BRF1: variants seen among roughly 807,000 people sequenced by gnomAD.
The protein encoded by BRF1 is BRF1 general transcription factor IIIB subunit, also known as transcription factor IIIB 90 kDa subunit.
Under a neutral mutation model 81.7 loss-of-function variants are expected in BRF1, and 59 were observed. That is an observed-to-expected ratio of 0.72 (90% CI 0.59 to 0.90). The LOEUF (loss-of-function observed/expected upper bound fraction) is 0.90. BRF1 is among the 40% of genes least tolerant of loss of function. BRF1 has a pLI of 0.00. For synonymous variants in BRF1, 491 were observed against 395.6 expected (o/e 1.24, Z -2.86); for missense variants, 1,050 against 936.3 (o/e 1.12, Z -1.58).
chr14:105,209,403 T>G lies in BRF1; in HGVS notation c.*1148A>C, dbSNP rs1595218077. 3.1e-6 allele frequency: 2 copies of G among 651,964 alleles called. No homozygotes were observed. Among genetic ancestry groups the G allele is most frequent in the Non-Finnish European group, 5.6e-6 (2 of 356,868 alleles). The allele number at this position is 651,964 out of a possible 1,614,324, so 40.4% of individuals were successfully genotyped here. A position where few individuals can be genotyped will look rare whatever the true frequency, so the allele number is the denominator to read the frequency against. ...TGAGCTCTGGGCGGGGGTAGGGGGG[T>G]CTGGCCTGCTGCGGGCCAAGTTGGG... On this transcript the variant is annotated 3_prime_UTR_variant, in exon 18 of 18. Transcript: ENST00000547530.
chr14:105,252,454 C>T, intron 5 of BRF1, 53 bp downstream of exon 5: 1 of 1,590,844 alleles, frequency 6.3e-7, no homozygotes, highest in Non-Finnish European at 8.6e-7. Flanking sequence ...ATTTGGCACG[C>T]TGGTCCCTAC....
intron 4 of BRF1, chr14:105,256,267 A>C (rs1595401464): frequency 6.5e-7 from 1 of 1,544,898 alleles, no homozygotes; most frequent in East Asian, 2.4e-5. Context: ...CCTAGCTAAC[A>C]CCCAACCGTG....
chr14:105,250,990 T>C, intron 5 of BRF1: 1 of 336,694 alleles, frequency 3.0e-6, no homozygotes, highest in Admixed American at 4.5e-5. Context: ...TCTTGGATTC[T>C]AAGTGGTTCC....
intron 5 of BRF1, chr14:105,247,442 C>A: frequency 1.0e-6 from 1 of 985,370 alleles, no homozygotes; most frequent in Non-Finnish European, 1.2e-6. Flanking sequence ...CGTCCTTTGC[C>A]CGTTTTTTAA....
At position 105,212,157 on chromosome 14, in the gene BRF1, G is replaced by C; in HGVS notation, c.1780C>G (p.Pro594Ala). 1 of 1,612,212 alleles carries C rather than the reference G, an allele frequency of 6.2e-7. No individual in the cohort carries two copies. Among genetic ancestry groups the C allele is most frequent in the Non-Finnish European group, 8.5e-7 (1 of 1,179,434 alleles). Reference protein sequence around the residue: ...PVTSVGKRLRPLVSTQPAKKV... With the variant: ...PVTSVGKRLRALVSTQPAKKV... ...TTTGCTGGCTGCGTAGACACCAGAG[G>C]CCTCAACCTGCAAAAGGAAGCACAG... The change falls in exon 16 of 18, where the codon CCT becomes GCT. Residue 594 changes from proline to alanine, a missense_variant. Physicochemically the swap from Pro to Ala is conservative, Grantham distance 27. Coordinates refer to ENST00000547530, the MANE Select transcript of BRF1 (RefSeq NM_001519.4).
Position 105,259,264 on chromosome 14 carries a change from T to TGA in BRF1, c.440-2717_440-2716dup, listed in dbSNP as rs141357845. On this transcript the variant is annotated intron_variant, in intron 3 of 17. Coordinates refer to ENST00000547530, the MANE Select transcript of BRF1 (RefSeq NM_001519.4). ...TTCAAGACCGGCCTGGGCAACACAG[T>TGA]GAGACCCTGTTTCTACAAAAAAATC... 3.6e-3 allele frequency among the ~76,000 whole-genome samples: 548 copies of TGA among 152,024 alleles called. 1 individual carries two copies. The highest frequency in any genetic ancestry group is 0.013 in the African/African-American group (525 of 41,470).
At chr14:105,302,259 A>T (rs1300790994), upstream of BRF1, among the ~76,000 whole-genome samples, 2 of 140,730 alleles carry the variant, frequency 1.4e-5, no homozygotes, top group Non-Finnish European at 3.0e-5. Flanking sequence ...GCTGGAGTGC[A>T]GTGGTGAGAT....
At chr14:105,215,813 G>GCA (rs1379151290) in intron 15 of BRF1, among the ~76,000 whole-genome samples, 4 of 93,468 alleles carry the variant, frequency 4.3e-5, no homozygotes, top group African/African-American at 1.8e-4. Flanking sequence ...GCATACACAG[G>GCA]CACACACACA....
intron 5 of BRF1, chr14:105,248,879 G>A (rs2055355899): frequency 5.1e-6 from 5 of 988,252 alleles, no homozygotes; most frequent in Non-Finnish European, 6.0e-6. Context: ...AGATGGCGGC[G>A]GAACTCTACG....
intron 6 of BRF1, among the ~76,000 whole-genome samples, chr14:105,229,541 C>A (rs774365583): frequency 6.6e-6 from 1 of 152,214 alleles, no homozygotes; most frequent in Non-Finnish European, 1.5e-5. Flanking sequence ...CAGGCCACGG[C>A]CACATCCACC....
Position 105,241,307 on chromosome 14 carries a change from A to G in BRF1, c.652T>C (p.Trp218Arg). ...GAGGGGCGCCGGCCTGTGTGCATCC[A>G]GTCCCGCTTCATCCTCTGTAGGAGC... ...LRLLQRMKRD[W>R]MHTGRRPSGL... The change falls in exon 6 of 18, where the codon TGG (tryptophan) becomes CGG (arginine). Residue 218 changes from tryptophan to arginine, a missense_variant. By Grantham distance (101) the Trp-to-Arg change is moderately radical. Transcript: ENST00000547530. The G allele has an allele frequency of 1.9e-6, 3 of 1,612,646 alleles. No individual in the cohort carries two copies. Among genetic ancestry groups the G allele is most frequent in the Admixed American group, 1.7e-5 (1 of 60,008 alleles).
At chr14:105,246,698 C>A (rs1041719863) in intron 5 of BRF1, among the ~76,000 whole-genome samples, 1 of 151,478 alleles carries the variant, frequency 6.6e-6, no homozygotes, top group Admixed American at 6.6e-5. Context: ...CTCAAGTGAT[C>A]CGCCCACCTT....
chr14:105,210,653 C>T lies in BRF1; in HGVS notation c.1997-65G>A. 6.4e-7 allele frequency: 1 copy of T among 1,571,206 alleles called. No homozygotes were observed. Among genetic ancestry groups the T allele is most frequent in the Non-Finnish European group, 8.7e-7 (1 of 1,154,600 alleles). On this transcript the variant is annotated intron_variant, in intron 17 of 17. Transcript: ENST00000547530. This position sits in a 1 kb window ranked among gnomAD's most constrained non-coding sequence, Gnocchi z 4.7. ...GGACCCAGGAGCCCAGACCCCCCAA[C>T]CCGCCCTGTTCCTGGTGCCCCCCTA... is the stretch of plus-strand genomic sequence containing the variant.
At chr14:105,311,804 A>T (rs1331742875) in intron 1 of BRF1, among the ~76,000 whole-genome samples, 1 of 152,166 alleles carries the variant, frequency 6.6e-6, no homozygotes, top group African/African-American at 2.4e-5. Flanking sequence ...TGCCTCCAGG[A>T]GGAGGGCCCT....
At chr14:105,299,416 A>G (rs984344878) in intron 1 of BRF1, among the ~76,000 whole-genome samples, 45 of 151,986 alleles carry the variant, frequency 3.0e-4, no homozygotes, top group Non-Finnish European at 7.4e-5. Context: ...TAAAAATAAA[A>G]TAAAATAAAT....
In BRF1 at chr14:105,218,986, A is replaced by C; in HGVS notation, c.1515+12T>G. 1 of 1,613,738 alleles carries C rather than the reference A, an allele frequency of 6.2e-7. No homozygotes were observed. The highest frequency in any genetic ancestry group is 1.1e-5 in the South Asian group (1 of 91,066). ...CCCCAAGAAGGCCAGGCCCAGCGTC[A>C]CAGGCGCCCACCTTGTGTTCCTTGT... is the stretch of plus-strand genomic sequence containing the variant. On this transcript the variant is annotated intron_variant, in intron 14 of 17. Coordinates refer to ENST00000547530, the MANE Select transcript of BRF1 (RefSeq NM_001519.4).
chr14:105,219,943 C>T (rs924904107), intron 12 of BRF1, 126 bp downstream of exon 12: 11 of 1,002,586 alleles, frequency 1.1e-5, no homozygotes, highest in Non-Finnish European at 1.6e-5. Context: ...GCCAGGAGCC[C>T]ACTTCACCCA....
chr14:105,228,520 A>G (rs9806113), intron 7 of BRF1, among the ~76,000 whole-genome samples: 22,670 of 150,968 alleles, frequency 0.15, 2,070 homozygotes, highest in Admixed American at 0.23. Context: ...CTCCAGCCTA[A>G]GCGACAGAGC....
At chr14:105,248,954 G>A (rs1156725081) in intron 5 of BRF1, 3 of 981,344 alleles carry the variant, frequency 3.1e-6, no homozygotes, top group African/African-American at 1.8e-5. Context: ...TGGGCAGGAA[G>A]GCCGGGCCGC....
Sources: allele counts gnomAD v4.1 joint callset (sites outside exome capture counted in the v4.1 genomes callset), GRCh38; gene constraint gnomAD v4.1.1; non-coding constraint Gnocchi (gnomAD v3.1); transcripts MANE v1.5; gene names NCBI Gene and HGNC (gene_info 2026-07-23, HGNC 2026-07-21).